TRIM9: variants seen among roughly 807,000 people sequenced by gnomAD.
TRIM9 encodes tripartite motif containing 9.
TRIM9 carries 26 observed loss-of-function variants against 78.3 expected under a neutral mutation model. The ratio of observed to expected loss-of-function variants is 0.33; its 90% CI spans 0.24 to 0.46. The LOEUF is 0.46. Among genes scored for constraint, TRIM9 ranks in the 20% least tolerant of loss-of-function variants. The pLI, the probability that TRIM9 is intolerant of heterozygous loss-of-function variation, is 1.00. For missense variants in TRIM9, 787 were observed against 1,036.4 expected (o/e 0.76, Z 3.30); for synonymous variants, 398 against 416.5 (o/e 0.96, Z 0.54).
intron 6 of TRIM9, among the ~76,000 whole-genome samples, chr14:51,000,035 A>G (rs536967342): frequency 2.6e-5 from 4 of 152,262 alleles, no homozygotes; most frequent in African/African-American, 9.6e-5. Context: ...TACCAGTTCT[A>G]TCTGGTGAAA....
intron 1 of TRIM9, among the ~76,000 whole-genome samples, chr14:51,080,090 T>C (rs1279270414): frequency 1.3e-5 from 2 of 152,192 alleles, no homozygotes; most frequent in Non-Finnish European, 2.9e-5. Flanking sequence ...ACAGTCACAC[T>C]GCTATGTGTT....
rs146434492 is a variant in TRIM9, at chr14:50,999,365, AAC to A, written c.1465-1179_1465-1178del. Among the ~76,000 whole-genome samples, 74 of 150,964 alleles carry A rather than the reference AAC, an allele frequency of 4.9e-4. No homozygotes were observed. In the East Asian group the frequency reaches 0.012, roughly 24 times the overall value. ...GACAAATAGGATTTTACACACACAC[AAC>A]ACACACACACACACTCTCACACACA... On this transcript the variant is annotated intron_variant, in intron 6 of 12. Transcript: ENST00000684578.
chr14:50,975,849 T>C lies in TRIM9; in HGVS notation c.*1442A>G, dbSNP rs1054919810. The C allele has an allele frequency of 6.6e-6, 1 of 152,666 alleles. No homozygotes were observed. The highest frequency in any genetic ancestry group is 1.5e-5 in the Non-Finnish European group (1 of 68,042). 9.5% of individuals were successfully genotyped at this position (152,666 alleles called of 1,614,324 possible). A position where few individuals can be genotyped will look rare whatever the true frequency, so the allele number is the denominator to read the frequency against. ...GAATTTCAAGGGTAACCTATGTAAGTCTATCTCTATATAGAAGTAAGATGC... is the reference window on the plus strand; with the variant it reads ...GAATTTCAAGGGTAACCTATGTAAGCCTATCTCTATATAGAAGTAAGATGC... On this transcript the variant is annotated 3_prime_UTR_variant, in exon 13 of 13. Coordinates refer to ENST00000684578, the MANE Select transcript of TRIM9 (RefSeq NM_001387360.1).
intron 11 of TRIM9, among the ~76,000 whole-genome samples, 158 bp from the exon 12 acceptor site, chr14:50,979,707 G>A (rs778914169): frequency 6.6e-6 from 1 of 152,038 alleles, no homozygotes; most frequent in African/African-American, 2.4e-5. Context: ...TTTTAATACC[G>A]CAGATATACT....
At position 51,094,681 on chromosome 14, in the gene TRIM9, C is replaced by A; in HGVS notation, c.259G>T (p.Ala87Ser). Reference sequence around the variant, plus strand: ...GACTTCTGGCACGGGGTAGTGGGGGCGCTGGCGAACCCCCCGTAGGAGCCA... The same window carrying A: ...GACTTCTGGCACGGGGTAGTGGGGGAGCTGGCGAACCCCCCGTAGGAGCCA... ...GYGSYGGFASAPTTPCQKSPN... is the reference protein window; with the variant it reads ...GYGSYGGFASSPTTPCQKSPN... The change falls in exon 1 of 13, where the codon GCC (alanine) becomes TCC (serine). Residue 87 changes from alanine (A) to serine (S), a missense_variant. Physicochemically the swap from Ala to Ser is moderately conservative, Grantham distance 99. Transcript: ENST00000684578. 6.3e-7 allele frequency: 1 copy of A among 1,577,248 alleles called. No homozygotes were observed.
intron 12 of TRIM9, among the ~76,000 whole-genome samples, chr14:50,977,672 C>G (rs932829736): frequency 9.9e-5 from 15 of 152,152 alleles, no homozygotes; most frequent in African/African-American, 3.6e-4. Context: ...AGCCTACTGG[C>G]CACACCACAG....
At chr14:51,055,034 C>T (rs1390154199) in intron 1 of TRIM9, among the ~76,000 whole-genome samples, 1 of 146,522 alleles carries the variant, frequency 6.8e-6, no homozygotes, top group Admixed American at 6.9e-5. Flanking sequence ...CCATGTTGGC[C>T]AGGATGGTCT....
intron 1 of TRIM9, among the ~76,000 whole-genome samples, chr14:51,070,106 CT>C (rs376891275): frequency 3.9e-5 from 6 of 152,086 alleles, no homozygotes; most frequent in Non-Finnish European, 5.9e-5. Context: ...CATTTTGGTG[CT>C]TTTTGGTGGT....
At chr14:51,025,908 G>A (rs1334646693) in intron 1 of TRIM9, among the ~76,000 whole-genome samples, 2 of 152,072 alleles carry the variant, frequency 1.3e-5, no homozygotes, top group Admixed American at 6.5e-5. Context: ...CTTCTCCCAA[G>A]TACAGCCCTG....
intron 1 of TRIM9, among the ~76,000 whole-genome samples, chr14:51,058,731 C>T (rs935579294): frequency 2.0e-5 from 3 of 152,284 alleles, no homozygotes; most frequent in Non-Finnish European, 4.4e-5. Context: ...ATTTCTATTA[C>T]GTTTAAGCCC....
At chr14:51,024,960 T>C (rs917289667) in intron 2 of TRIM9, among the ~76,000 whole-genome samples, 20 of 152,182 alleles carry the variant, frequency 1.3e-4, no homozygotes, top group African/African-American at 4.6e-4. Flanking sequence ...ATAAGGACCC[T>C]GAGTTTACAA....
At chr14:51,036,925 G>A (rs1465145568) in intron 1 of TRIM9, among the ~76,000 whole-genome samples, 1 of 152,026 alleles carries the variant, frequency 6.6e-6, no homozygotes, top group Non-Finnish European at 1.5e-5. Flanking sequence ...TATATTTCTA[G>A]TTGTAATAAA....
intron 11 of TRIM9, among the ~76,000 whole-genome samples, chr14:50,981,299 T>C (rs1455943167): frequency 6.6e-5 from 10 of 152,246 alleles, no homozygotes; most frequent in Admixed American, 2.0e-4. Flanking sequence ...CCATAAGCTT[T>C]AGTTTAATGA....
chr14:50,999,379 C>T (rs2054642158), intron 6 of TRIM9, among the ~76,000 whole-genome samples: 2 of 151,926 alleles, frequency 1.3e-5, no homozygotes. Context: ...CACACACACA[C>T]ACTCTCACAC....
At chr14:51,009,034 T>C in intron 5 of TRIM9, 46 bp downstream of exon 5, 2 of 1,598,806 alleles carry the variant, frequency 1.3e-6, no homozygotes, top group Non-Finnish European at 1.7e-6. Context: ...AGCACCAGCA[T>C]CCACTCAGGA....
chr14:51,008,640 C>A (rs1014760083), intron 5 of TRIM9, among the ~76,000 whole-genome samples: 1 of 152,176 alleles, frequency 6.6e-6, no homozygotes, highest in Non-Finnish European at 1.5e-5. Context: ...TATTGGCAGG[C>A]CAACTGTGAT....
At chr14:51,072,269 C>T (rs1266518533) in intron 1 of TRIM9, among the ~76,000 whole-genome samples, 1 of 151,686 alleles carries the variant, frequency 6.6e-6, no homozygotes, top group Admixed American at 6.6e-5. Flanking sequence ...TATTATTTTA[C>T]TACATTAAAA....
chr14:51,024,303 T>C (rs1444047209), intron 2 of TRIM9, among the ~76,000 whole-genome samples: 2 of 152,086 alleles, frequency 1.3e-5, no homozygotes, highest in Non-Finnish European at 2.9e-5. Flanking sequence ...CTCCATTGCT[T>C]TGGAAAACAG....
intron 6 of TRIM9, among the ~76,000 whole-genome samples, chr14:50,999,258 A>G (rs1281558768): frequency 6.6e-6 from 1 of 152,106 alleles, no homozygotes; most frequent in East Asian, 1.9e-4. Context: ...CTTTCCCAGG[A>G]GAAAAAAAAG....
Sources: allele counts gnomAD v4.1 joint callset (sites outside exome capture counted in the v4.1 genomes callset), GRCh38; gene constraint gnomAD v4.1.1; transcripts MANE v1.5; gene names NCBI Gene and HGNC (gene_info 2026-07-23, HGNC 2026-07-21).